ASB4: variants seen among roughly 807,000 people sequenced by gnomAD.
ASB4 encodes the protein ankyrin repeat and SOCS box protein 4.
Under a neutral mutation model 38.6 loss-of-function variants are expected in ASB4, and 35 were observed. That is an observed-to-expected ratio of 0.91 (90% confidence interval 0.69 to 1.20). The LOEUF is 1.20. Among genes scored for constraint, ASB4 ranks in the 50% most tolerant of loss-of-function variants. ASB4 has a pLI of 0.00. For missense variants in ASB4, 557 were observed against 527.2 expected (o/e 1.06, Z -0.55); for synonymous variants, 195 against 201.3 (o/e 0.97, Z 0.26).
chr7:95,525,232 C>T (rs923532099), intron 2 of ASB4, among the ~76,000 whole-genome samples: 2 of 152,184 alleles, frequency 1.3e-5, no homozygotes, highest in African/African-American at 4.8e-5. Context: ...TAATTTTGGA[C>T]TTCCAGTCTC....
At chr7:95,471,308 T>C in the ASB4 span, among the ~76,000 whole-genome samples, 1 of 152,148 alleles carries the variant, frequency 6.6e-6, no homozygotes, top group Non-Finnish European at 1.5e-5. Flanking sequence ...CCATTGCTAT[T>C]GTCCTCTTTC....
upstream of ASB4, among the ~76,000 whole-genome samples, chr7:95,481,362 A>G (rs1790020121): frequency 7.2e-6 from 1 of 138,800 alleles, no homozygotes; most frequent in African/African-American, 3.3e-5. Flanking sequence ...CAAAAAAAGG[A>G]AAAAAAAACA....
At position 95,539,154 on chromosome 7, in the gene ASB4, G is replaced by A. The variant is rs149567185; in HGVS notation, c.*1395G>A. ...TTAGAGGTTAAAGCAGAAGTAAATT[G>A]CAAACAAATCTGTCAGTTGTGAGCA... On this transcript the variant is annotated 3_prime_UTR_variant, in exon 5 of 5. Transcript: ENST00000325885. 2.0e-5 allele frequency: 3 copies of A among 152,204 alleles called. No homozygotes were observed. Among genetic ancestry groups the A allele is most frequent in the African/African-American group, 7.2e-5 (3 of 41,512 alleles). 9.4% of individuals were successfully genotyped at this position (152,204 alleles called of 1,614,324 possible).
At chr7:95,547,187 T>G in the ASB4 span, among the ~76,000 whole-genome samples, 1 of 152,210 alleles carries the variant, frequency 6.6e-6, no homozygotes. Flanking sequence ...AATGGATAAT[T>G]GTATGAATGA....
At chr7:95,488,546 G>C (rs1260926465) in intron 1 of ASB4, among the ~76,000 whole-genome samples, 1 of 152,154 alleles carries the variant, frequency 6.6e-6, no homozygotes, top group Non-Finnish European at 1.5e-5. Flanking sequence ...AGTCTACAGT[G>C]GTTAGTTAGT....
intron 2 of ASB4, among the ~76,000 whole-genome samples, chr7:95,515,263 CTTT>C (rs1790556029): frequency 3.5e-5 from 4 of 115,722 alleles, no homozygotes; most frequent in African/African-American, 1.3e-4. Flanking sequence ...TTCTTTCTTT[CTTT>C]CTCTTTCTTT....
At chr7:95,520,315 A>G (rs1289521903) in intron 2 of ASB4, among the ~76,000 whole-genome samples, 1 of 152,228 alleles carries the variant, frequency 6.6e-6, no homozygotes, top group African/African-American at 2.4e-5. Context: ...CAACTCTTCC[A>G]GCCAACTAAG....
chr7:95,537,853 AT>A lies in ASB4; in HGVS notation c.*95del. On this transcript the variant is annotated 3_prime_UTR_variant, in exon 5 of 5. Transcript: ENST00000325885. Reference sequence around the variant, plus strand: ...AAATAAAATGGTACTTGGGTTGATTATAACACTTCAGGGATTTCAAAACACT... The same window carrying A: ...AAATAAAATGGTACTTGGGTTGATTAAACACTTCAGGGATTTCAAAACACT... The A allele has an allele frequency of 9.7e-7, 1 of 1,033,672 alleles. No individual in the cohort carries two copies. Among genetic ancestry groups the A allele is most frequent in the Non-Finnish European group, 1.4e-6 (1 of 701,616 alleles). 64.0% of individuals were successfully genotyped at this position (1,033,672 alleles called of 1,614,324 possible).
At position 95,495,896 on chromosome 7, in the gene ASB4, C is replaced by A. The variant is rs539458950; in HGVS notation, c.326C>A (p.Thr109Asn). 5 of 1,614,126 alleles carry A rather than the reference C, an allele frequency of 3.1e-6. No homozygotes were observed. The highest frequency in any genetic ancestry group is 3.4e-6 in the Non-Finnish European group (4 of 1,180,014). Residue 109 changes from threonine to asparagine, a missense_variant, in exon 2 of 5, where the codon ACC becomes AAC. Coordinates refer to ENST00000325885, the MANE Select transcript of ASB4 (RefSeq NM_016116.3). ...ATCAACTGTAGACCCAATGGGAAAA[C>A]CCCTCTTCACGTGGCTTGTGAAATG... ...ATINCRPNGK[T>N]PLHVACEMAN...
At chr7:95,532,910 C>T (rs1790838632) in intron 3 of ASB4, among the ~76,000 whole-genome samples, 1 of 152,198 alleles carries the variant, frequency 6.6e-6, no homozygotes, top group Non-Finnish European at 1.5e-5. Flanking sequence ...TCTGGGCTGG[C>T]AAGGTCAAAA....
Position 95,535,360 on chromosome 7 carries a change from T to C in ASB4, c.979-1077T>C, listed in dbSNP as rs10229573. ...TTTAAGTGCAGAGGCATGCCTCTCT[T>C]CTAATGCCTCACCTAACACCAAGTG... On this transcript the variant is annotated intron_variant, in intron 3 of 4. Transcript: ENST00000325885. Among the ~76,000 whole-genome samples the C allele has an allele frequency of 8.1e-3, 1,233 of 152,340 alleles. 18 individuals are homozygous for C. Among genetic ancestry groups the C allele is most frequent in the African/African-American group, 0.028 (1,180 of 41,584 alleles).
At chr7:95,549,261 T>G in the ASB4 span, among the ~76,000 whole-genome samples, 35 of 151,578 alleles carry the variant, frequency 2.3e-4, 1 homozygote, top group South Asian at 3.8e-3. Flanking sequence ...ATGGAGGAAT[T>G]TCACTAGATT....
At chr7:95,551,032 G>A in the ASB4 span, among the ~76,000 whole-genome samples, 2 of 152,182 alleles carry the variant, frequency 1.3e-5, no homozygotes, top group Admixed American at 6.5e-5. Context: ...GCAGGCTGGA[G>A]TGCAATGGTG....
intron 3 of ASB4, among the ~76,000 whole-genome samples, chr7:95,531,609 T>G (rs1230459296): frequency 1.1e-4 from 17 of 152,218 alleles, no homozygotes; most frequent in Admixed American, 1.1e-3. Flanking sequence ...AAACATGTGT[T>G]GAGCAGGAGA....
chr7:95,490,727 C>T (rs1790159128), intron 1 of ASB4, among the ~76,000 whole-genome samples: 1 of 152,262 alleles, frequency 6.6e-6, no homozygotes, highest in African/African-American at 2.4e-5. Flanking sequence ...GGCCCAAACA[C>T]TTTGCTCCTT....
In ASB4 at chr7:95,537,919, G is replaced by A; in HGVS notation, c.*160G>A. ...ATTAATCCTAGAATATCATGGTATG[G>A]GGAAATAAAGAAGAAGTAAAGTTAA... On this transcript the variant is annotated 3_prime_UTR_variant, in exon 5 of 5. Transcript: ENST00000325885. 1 of 602,002 alleles carries A rather than the reference G, an allele frequency of 1.7e-6. No homozygotes were observed. The highest frequency in any genetic ancestry group is 2.9e-6 in the Non-Finnish European group (1 of 350,026). 37.3% of individuals were successfully genotyped at this position (602,002 alleles called of 1,614,324 possible). A position where few individuals can be genotyped will look rare whatever the true frequency, so the allele number is the denominator to read the frequency against.
chr7:95,484,058 T>A (rs1023952646), upstream of ASB4, among the ~76,000 whole-genome samples: 4 of 149,412 alleles, frequency 2.7e-5, no homozygotes, highest in South Asian at 2.1e-4. Context: ...TCAGGCATAG[T>A]GGCTCATGGC....
At chr7:95,549,087 T>C in the ASB4 span, among the ~76,000 whole-genome samples, 1,964 of 152,164 alleles carry the variant, frequency 0.013, 40 homozygotes, top group African/African-American at 0.044. Context: ...TTGGACATGT[T>C]GATTTTGAGG....
upstream of ASB4, among the ~76,000 whole-genome samples, chr7:95,483,458 A>G (rs559373747): frequency 3.9e-5 from 6 of 152,224 alleles, no homozygotes; most frequent in Non-Finnish European, 8.8e-5. Flanking sequence ...TCATTTACCT[A>G]AAGAGACTGC....
Sources: allele counts gnomAD v4.1 joint callset (sites outside exome capture counted in the v4.1 genomes callset), GRCh38; gene constraint gnomAD v4.1.1; transcripts MANE v1.5; gene names NCBI Gene and HGNC (gene_info 2026-07-23, HGNC 2026-07-21).